RANBP17: variants seen among roughly 807,000 people sequenced by gnomAD.
The protein encoded by RANBP17 is RAN binding protein 17, also known as ran-binding protein 17.
Under a neutral mutation model 141.2 loss-of-function variants are expected in RANBP17, and 158 were observed. The observed-to-expected ratio is 1.12, with a 90% CI of 0.98 to 1.28. RANBP17 has a LOEUF of 1.28. RANBP17 is among the 50% of genes most tolerant of loss of function. RANBP17 has a pLI of 0.00. For missense variants in RANBP17, 1,438 were observed against 1,290.7 expected, an observed-to-expected ratio of 1.11 and a Z score of -1.75; for synonymous variants, 430 against 450.0, an observed-to-expected ratio of 0.96 and a Z score of 0.56.
intron 14 of RANBP17, among the ~76,000 whole-genome samples, chr5:170,988,656 T>C (rs1045505569): frequency 3.3e-5 from 5 of 151,692 alleles, no homozygotes; most frequent in African/African-American, 7.2e-5. Context: ...ATGCATATTT[T>C]CCCTGATAAA....
chr5:171,185,125 T>C (rs1761146554), intron 18 of RANBP17, among the ~76,000 whole-genome samples: 1 of 152,182 alleles, frequency 6.6e-6, no homozygotes, highest in South Asian at 2.1e-4. Flanking sequence ...ATCGTGCCAC[T>C]GCACTCCAGC....
intron 14 of RANBP17, among the ~76,000 whole-genome samples, chr5:171,144,678 A>G (rs1227903844): frequency 6.6e-6 from 1 of 152,196 alleles, no homozygotes; most frequent in Non-Finnish European, 1.5e-5. Flanking sequence ...AACAGCATAG[A>G]TCAGATTTGG....
chr5:170,867,304 A>G (rs1051321627), intron 1 of RANBP17, among the ~76,000 whole-genome samples: 3 of 152,174 alleles, frequency 2.0e-5, no homozygotes, highest in African/African-American at 2.4e-5. Flanking sequence ...ATTTATGTAT[A>G]TTTGATCTCA....
At chr5:171,063,440 G>T (rs565818340) in intron 14 of RANBP17, among the ~76,000 whole-genome samples, 1 of 152,336 alleles carries the variant, frequency 6.6e-6, no homozygotes, top group East Asian at 1.9e-4. Context: ...GACCCTGCTT[G>T]CCTGGGTATC....
At chr5:170,945,013 C>T (rs1774637735) in intron 12 of RANBP17, among the ~76,000 whole-genome samples, 2 of 152,198 alleles carry the variant, frequency 1.3e-5, no homozygotes, top group African/African-American at 2.4e-5. Context: ...AGCATGGAGT[C>T]TCTCTCTCCC....
At chr5:171,089,476 G>C (rs1019451473) in intron 14 of RANBP17, among the ~76,000 whole-genome samples, 1 of 152,060 alleles carries the variant, frequency 6.6e-6, no homozygotes, top group African/African-American at 2.4e-5. Context: ...TTGAGCTGTG[G>C]TGGGCTCCAC....
chr5:171,160,891 C>T, intron 14 of RANBP17, among the ~76,000 whole-genome samples: 1 of 152,080 alleles, frequency 6.6e-6, no homozygotes, highest in Non-Finnish European at 1.5e-5. Flanking sequence ...CTCCTGGGTT[C>T]AAGTGATTCT....
chr5:171,276,918 T>TAAAAA, intron 25 of RANBP17, among the ~76,000 whole-genome samples: 1 of 82,236 alleles, frequency 1.2e-5, no homozygotes, highest in Non-Finnish European at 2.4e-5. Flanking sequence ...AAATGTATCT[T>TAAAAA]AAAAAAAAAA....
Position 171,299,395 on chromosome 5 carries a change from C to T in RANBP17, c.*537C>T. The T allele has an allele frequency of 4.3e-6, 1 of 232,098 alleles. No individual in the cohort carries two copies. Among genetic ancestry groups the T allele is most frequent in the Non-Finnish European group, 8.5e-6 (1 of 117,068 alleles). 14.4% of individuals were successfully genotyped at this position (232,098 alleles called of 1,614,324 possible). A position where few individuals can be genotyped will look rare whatever the true frequency, so the allele number is the denominator to read the frequency against. Reference sequence around the variant, plus strand: ...GCATCCCACAGGACCACACGCAGGCCTCCCTGCCTCAGCTGCATCTGATAA... The same window carrying T: ...GCATCCCACAGGACCACACGCAGGCTTCCCTGCCTCAGCTGCATCTGATAA... On this transcript the variant is annotated 3_prime_UTR_variant, in exon 28 of 28. Transcript: ENST00000523189.
intron 14 of RANBP17, among the ~76,000 whole-genome samples, chr5:171,062,364 A>G (rs991774880): frequency 3.3e-5 from 5 of 152,198 alleles, no homozygotes; most frequent in Admixed American, 6.5e-5. Flanking sequence ...AGTGGTGACA[A>G]AATCTCTCAG....
intron 14 of RANBP17, chr5:170,983,342 G>C (rs966294339): frequency 1.2e-5 from 3 of 243,826 alleles, no homozygotes; most frequent in African/African-American, 6.6e-5. Context: ...TACAGATCTG[G>C]AATAGTGTTT....
intron 14 of RANBP17, among the ~76,000 whole-genome samples, chr5:170,999,930 C>G (rs1405225092): frequency 1.3e-5 from 2 of 152,154 alleles, no homozygotes; most frequent in African/African-American, 4.8e-5. Flanking sequence ...TGGCAACTAC[C>G]ATTCTAGTTA....
intron 14 of RANBP17, among the ~76,000 whole-genome samples, chr5:171,132,015 CAT>C (rs1171271319): frequency 1.3e-5 from 2 of 152,120 alleles, no homozygotes; most frequent in East Asian, 3.9e-4. Context: ...ATGATAAACA[CAT>C]GTAATTTTTT....
At chr5:171,088,973 A>T (rs1785947654) in intron 14 of RANBP17, among the ~76,000 whole-genome samples, 1 of 151,802 alleles carries the variant, frequency 6.6e-6, no homozygotes, top group Admixed American at 6.6e-5. Flanking sequence ...CGTCAAAGTC[A>T]TTCTCCATCC....
At chr5:171,169,499 A>T (rs1759947434) in intron 14 of RANBP17, among the ~76,000 whole-genome samples, 1 of 151,714 alleles carries the variant, frequency 6.6e-6, no homozygotes, top group Non-Finnish European at 1.5e-5. Flanking sequence ...TGCAACCAAC[A>T]CTCCCTAATT....
chr5:171,251,788 T>C (rs1765582355), intron 24 of RANBP17: 1 of 1,152,498 alleles, frequency 8.7e-7, no homozygotes, highest in African/African-American at 1.5e-5. Flanking sequence ...CCTCTGTGAT[T>C]GGGTGGAAGA....
At chr5:171,056,795 T>C (rs1046625539) in intron 14 of RANBP17, among the ~76,000 whole-genome samples, 5 of 116,816 alleles carry the variant, frequency 4.3e-5, no homozygotes, top group African/African-American at 1.6e-4. Flanking sequence ...TCACCAGAAG[T>C]CATTGATTTA....
At chr5:171,018,693 C>A (rs577778885) in intron 14 of RANBP17, among the ~76,000 whole-genome samples, 1 of 152,248 alleles carries the variant, frequency 6.6e-6, no homozygotes, top group East Asian at 1.9e-4. Flanking sequence ...AAAATCATGT[C>A]ATCTGCAAAC....
chr5:171,045,201 T>C (rs1243225573), intron 14 of RANBP17, among the ~76,000 whole-genome samples: 7 of 152,116 alleles, frequency 4.6e-5, no homozygotes, highest in Non-Finnish European at 8.8e-5. Context: ...AAAGAAAACA[T>C]TATTTCTAGT....
Sources: gnomAD v4.1 joint callset for allele counts (sites outside exome capture counted in the v4.1 genomes callset) on GRCh38, gnomAD v4.1.1 for gene constraint, MANE v1.5 for transcripts, NCBI Gene and HGNC (gene_info 2026-07-23, HGNC 2026-07-21) for gene names.